TASOR2: variants seen among roughly 807,000 people sequenced by gnomAD.
The protein encoded by TASOR2 is transcription activation suppressor family member 2.
A neutral mutation model predicts 199.5 loss-of-function variants in TASOR2; 84 were observed. The ratio of observed to expected loss-of-function variants is 0.42; its 90% CI spans 0.35 to 0.50. The LOEUF (loss-of-function observed/expected upper bound fraction) is 0.50. Among genes scored for constraint, TASOR2 ranks in the 20% least tolerant of loss-of-function variants. TASOR2 has a pLI of 0.02. For synonymous variants in TASOR2, 1,103 were observed against 1,046.6 expected (o/e 1.05, Z -1.04); for missense variants, 2,796 against 2,835.9 (o/e 0.99, Z 0.32).
intron 17 of TASOR2, 78 bp downstream of exon 18, chr10:5,757,751 C>A: frequency 6.8e-7 from 1 of 1,467,292 alleles, no homozygotes; most frequent in Non-Finnish European, 9.4e-7. Context: ...CTGTTTCATC[C>A]AAAAGAAATG....
Position 5,710,164 on chromosome 10 carries a change from G to T in TASOR2, c.-287-2659G>T, listed in dbSNP as rs996856484. On this transcript the variant is annotated intron_variant, in intron 1 of 20. Transcript: ENST00000328090. The surrounding 1 kb of genome is among the most constrained non-coding windows in gnomAD (Gnocchi z 4.6). Reference sequence around the variant, plus strand: ...AAGTGTATTTTGTAAAGAAGGGAGAGCGTCAAATTTCTAGATGAAATTTTC... The same window carrying T: ...AAGTGTATTTTGTAAAGAAGGGAGATCGTCAAATTTCTAGATGAAATTTTC... Among the ~76,000 whole-genome samples, 1 of 152,110 alleles carries T rather than the reference G, an allele frequency of 6.6e-6. No homozygotes were observed. Among genetic ancestry groups the T allele is most frequent in the African/African-American group, 2.4e-5 (1 of 41,434 alleles).
chr10:5,715,524 T>G (rs1832512355), intron 2 of TASOR2, among the ~76,000 whole-genome samples: 2 of 152,218 alleles, frequency 1.3e-5, no homozygotes, highest in Non-Finnish European at 2.9e-5. Context: ...AGCATGTTTT[T>G]AAGGCATATT....
rs1251025899 is a variant in TASOR2 at position 5,710,481 on chromosome 10, T to C, written c.-287-2342T>C. ...GTTCCTCCTCCTTCGTTTTAAATCA[T>C]TGGCTTTATTTATAGCTATATAGGG... On this transcript the variant is annotated intron_variant, in intron 1 of 20. Transcript: ENST00000328090. The surrounding 1 kb of genome is among the most constrained non-coding windows in gnomAD (Gnocchi z 4.6). Among the ~76,000 whole-genome samples, 1 of 152,102 alleles carries C rather than the reference T, an allele frequency of 6.6e-6. No individual in the cohort carries two copies. Among genetic ancestry groups the C allele is most frequent in the African/African-American group, 2.4e-5 (1 of 41,450 alleles).
rs563991746 is a variant in TASOR2, at chr10:5,742,140, C to G, written c.2371C>G (p.Leu791Val). The stretch of plus-strand genomic sequence containing the variant: ...GCCTGATAATGTGGAAGAAGTGAAG[C>G]TTTTACTTCATATGTGGGTAGCTCT... The change falls in exon 14 of 21, where the codon CTT (leucine) becomes GTT (valine). Residue 791 changes from leucine (L) to valine (V), a missense_variant. Transcript: ENST00000328090. The surrounding 1 kb of genome is among the most constrained non-coding windows in gnomAD (Gnocchi z 4.2). 4.8e-5 allele frequency: 77 copies of G among 1,614,112 alleles called. 1 individual carries two copies. In the South Asian group the frequency reaches 7.7e-4, roughly 16 times the overall value.
rs1835918157 is a variant in TASOR2 at position 5,738,403 on chromosome 10, G to GCCATAAT, written c.1448-1214_1448-1208dup. Among the ~76,000 whole-genome samples, 1 of 152,100 alleles carries GCCATAAT rather than the reference G, an allele frequency of 6.6e-6. No homozygotes were observed. The highest frequency in any genetic ancestry group is 1.5e-5 in the Non-Finnish European group (1 of 68,028). ...TTGTGTAAGGGATAAGTAGATGGAG[G>GCCATAAT]CCATAATATTAACAAAGAATGAAAT... On this transcript the variant is annotated intron_variant, in intron 12 of 20. Transcript: ENST00000328090. The surrounding 1 kb of genome is among the most constrained non-coding windows in gnomAD (Gnocchi z 4.7).
At position 5,689,246 on chromosome 10, in the gene TASOR2, GT is replaced by G. The variant is rs1197198476; in HGVS notation, c.-288+4077del. Among the ~76,000 whole-genome samples the G allele has an allele frequency of 6.6e-6, 1 of 152,132 alleles. No individual in the cohort carries two copies. Among genetic ancestry groups the G allele is most frequent in the Non-Finnish European group, 1.5e-5 (1 of 68,026 alleles). ...TCTATCAATTCATTTTGTTCTGACT[GT>G]TTTTTGTGGGTTCTTTTGTTGTTTG... is the stretch of plus-strand genomic sequence containing the variant. On this transcript the variant is annotated intron_variant, in intron 1 of 20. Transcript: ENST00000328090. The surrounding 1 kb of genome is among the most constrained non-coding windows in gnomAD (Gnocchi z 4.1).
chr10:5,689,160 T>C lies in TASOR2; in HGVS notation c.-288+3985T>C, dbSNP rs1012149326. Among the ~76,000 whole-genome samples, 6 of 152,274 alleles carry C rather than the reference T, an allele frequency of 3.9e-5. No individual in the cohort carries two copies. The highest frequency in any genetic ancestry group is 1.4e-4 in the African/African-American group (6 of 41,472). The stretch of plus-strand genomic sequence containing the variant: ...TGGCAATTGTTTTCTTTTAACATGC[T>C]GAAGCTCTTATTCCTCTGTCTTTTG... On this transcript the variant is annotated intron_variant, in intron 1 of 20. Transcript: ENST00000328090. This position sits in a 1 kb window ranked among gnomAD's most constrained non-coding sequence, Gnocchi z 4.1.
rs1433073332 is a variant in TASOR2, at chr10:5,719,674, GTAAC to G, written c.-99-869_-99-866del. Among the ~76,000 whole-genome samples, 7 of 151,872 alleles carry G rather than the reference GTAAC, an allele frequency of 4.6e-5. No individual in the cohort carries two copies. Among genetic ancestry groups the G allele is most frequent in the Non-Finnish European group, 1.0e-4 (7 of 67,942 alleles). On this transcript the variant is annotated intron_variant, in intron 3 of 20. Coordinates refer to ENST00000328090, the Ensembl canonical transcript of TASOR2. This position sits in a 1 kb window ranked among gnomAD's most constrained non-coding sequence, Gnocchi z 4.1. ...TTTTTCTTTTTTTTTGGAGAGACAT[GTAAC>G]CCTTGATGGAGAGAACTCTGTAATG...
At chr10:5,707,816 T>A (rs1831314097) in intron 1 of TASOR2, among the ~76,000 whole-genome samples, 1 of 151,486 alleles carries the variant, frequency 6.6e-6, no homozygotes, top group Non-Finnish European at 1.5e-5. Flanking sequence ...TGAACAAAAT[T>A]GTGGTTTTAT....
intron 18 of TASOR2, among the ~76,000 whole-genome samples, chr10:5,759,561 A>C (rs1443845076): frequency 6.6e-6 from 1 of 152,254 alleles, no homozygotes; most frequent in Non-Finnish European, 1.5e-5. Context: ...TTGTGAAATA[A>C]GGATTTCAGG....
chr10:5,696,946 C>A (rs1402775789), intron 1 of TASOR2, among the ~76,000 whole-genome samples: 1 of 151,984 alleles, frequency 6.6e-6, no homozygotes, highest in African/African-American at 2.4e-5. Context: ...CTGAAGAATT[C>A]TCCCCAAAAA....
chr10:5,761,094 C>A, intron 18 of TASOR2, 196 bp from the exon 20 acceptor site: 1 of 534,810 alleles, frequency 1.9e-6, no homozygotes, highest in Non-Finnish European at 3.3e-6. Flanking sequence ...AGAATGAGGC[C>A]CATGTTTAAA....
chr10:5,757,774 G>A, intron 17 of TASOR2, 101 bp downstream of exon 18: 1 of 1,308,534 alleles, frequency 7.6e-7, no homozygotes, highest in Non-Finnish European at 1.1e-6. Context: ...CAACTCTAAG[G>A]AATATCAGTT....
In TASOR2 at chr10:5,750,952, T is replaced by G. The variant is rs943527545; in HGVS notation, c.6606+925T>G. ...CTGTTATTCCTTGTCTTTTATGACC[T>G]TAACAGTTTTGAAGACTGTAGGCCA... On this transcript the variant is annotated intron_variant, in intron 15 of 20. Coordinates refer to ENST00000328090, the Ensembl canonical transcript of TASOR2. The surrounding 1 kb of genome is among the most constrained non-coding windows in gnomAD (Gnocchi z 5.4). Among the ~76,000 whole-genome samples, 1 of 152,240 alleles carries G rather than the reference T, an allele frequency of 6.6e-6. No homozygotes were observed. Among genetic ancestry groups the G allele is most frequent in the Non-Finnish European group, 1.5e-5 (1 of 68,042 alleles).
In TASOR2 at chr10:5,761,695, A is replaced by G. The variant is rs901656740; in HGVS notation, c.7174+224A>G. ...TATGTAAGTCAGTTCTAGATTACTT[A>G]TAATACTCAATACAGTATAAGTAGT... On this transcript the variant is annotated intron_variant, in intron 19 of 20. Coordinates refer to ENST00000328090, the Ensembl canonical transcript of TASOR2. The G allele has an allele frequency of 7.5e-6, 4 of 533,982 alleles. No individual in the cohort carries two copies. The South Asian group carries it at 9.6e-5, about 13-fold the overall frequency. The allele number at this position is 533,982 out of a possible 1,614,324, so 33.1% of individuals were successfully genotyped here.
intron 18 of TASOR2, 35 bp from the exon 20 acceptor site, chr10:5,761,255 A>G (rs1272451919): frequency 6.4e-7 from 1 of 1,565,524 alleles, no homozygotes; most frequent in Non-Finnish European, 8.7e-7. Flanking sequence ...AATAAAACTG[A>G]AAAATATTTT....
At chr10:5,712,426 C>G (rs931827747) in intron 1 of TASOR2, 15 of 1,231,508 alleles carry the variant, frequency 1.2e-5, no homozygotes, top group African/African-American at 1.6e-5. Flanking sequence ...TTCAGACTCT[C>G]TCTTCCAGAG....
chr10:5,701,995 T>C lies in TASOR2; in HGVS notation c.-287-10828T>C, dbSNP rs1206059911. The stretch of plus-strand genomic sequence containing the variant: ...TCTGCCCAGTACTTCCAGTACTATA[T>C]TGAATAAAAGTGGTGAAAGTAGGCA... On this transcript the variant is annotated intron_variant, in intron 1 of 20. Coordinates refer to ENST00000328090, the Ensembl canonical transcript of TASOR2. The surrounding 1 kb of genome is among the most constrained non-coding windows in gnomAD (Gnocchi z 4.9). 6.6e-6 allele frequency among the ~76,000 whole-genome samples: 1 copy of C among 152,210 alleles called. No homozygotes were observed. The highest frequency in any genetic ancestry group is 1.9e-4 in the East Asian group (1 of 5,208).
chr10:5,727,178 A>G lies in TASOR2; in HGVS notation c.487+55A>G, dbSNP rs751578553. The G allele has an allele frequency of 1.7e-4, 262 of 1,587,682 alleles. 1 individual carries two copies. Among genetic ancestry groups the G allele is most frequent in the Non-Finnish European group, 2.2e-4 (252 of 1,158,424 alleles). The stretch of plus-strand genomic sequence containing the variant: ...TGTCTGTTGGATATATTTAGTCCTC[A>G]TCTGACTTGACCTCTCAGCAGCACG... On this transcript the variant is annotated intron_variant, in intron 10 of 20. Coordinates refer to ENST00000328090, the Ensembl canonical transcript of TASOR2.
Sources: gnomAD v4.1 joint callset for allele counts (sites outside exome capture counted in the v4.1 genomes callset) on GRCh38, gnomAD v4.1.1 for gene constraint, Gnocchi (gnomAD v3.1) non-coding constraint, MANE v1.5 for transcripts, NCBI Gene and HGNC (gene_info 2026-07-23, HGNC 2026-07-21) for gene names.